TMEM217B: variants seen among roughly 807,000 people sequenced by gnomAD.
The protein encoded by TMEM217B is transmembrane protein 217B, also known as putative transmembrane protein 217B.
the TMEM217B span, chr6:37,217,616 G>A: frequency 1.0e-6 from 1 of 984,984 alleles, no homozygotes; most frequent in East Asian, 1.1e-4. Context: ...GAAAGGGTGG[G>A]GAAATTCGAG....
At chr6:37,240,444 A>G in the TMEM217B span, among the ~76,000 whole-genome samples, 1 of 152,136 alleles carries the variant, frequency 6.6e-6, no homozygotes, top group Non-Finnish European at 1.5e-5. Flanking sequence ...TCTATAGTCC[A>G]CTTGAATTTC....
the TMEM217B span, among the ~76,000 whole-genome samples, chr6:37,214,207 C>G: frequency 6.6e-6 from 1 of 152,198 alleles, no homozygotes; most frequent in Non-Finnish European, 1.5e-5. Flanking sequence ...ATATCGCTAT[C>G]CATCTCCAGA....
chr6:37,215,610 A>G, the TMEM217B span, among the ~76,000 whole-genome samples: 2 of 151,168 alleles, frequency 1.3e-5, no homozygotes, highest in Non-Finnish European at 2.9e-5. Flanking sequence ...AAGAAAAGAA[A>G]AAAGAAAACT....
At chr6:37,231,210 C>A in the TMEM217B span, among the ~76,000 whole-genome samples, 1 of 149,570 alleles carries the variant, frequency 6.7e-6, no homozygotes, top group South Asian at 2.1e-4. Context: ...CAGGTGCAAG[C>A]CACCATGCCT....
the TMEM217B span, among the ~76,000 whole-genome samples, chr6:37,228,184 C>T: frequency 6.6e-6 from 1 of 151,868 alleles, no homozygotes; most frequent in African/African-American, 2.4e-5. Context: ...TCACTTGAGC[C>T]CAGGAATTTG....
At chr6:37,249,005 G>A in the TMEM217B span, among the ~76,000 whole-genome samples, 1 of 152,134 alleles carries the variant, frequency 6.6e-6, no homozygotes, top group Non-Finnish European at 1.5e-5. Context: ...ACTCCAATCT[G>A]CCTCTGTGGT....
At chr6:37,222,649 C>T in the TMEM217B span, among the ~76,000 whole-genome samples, 1 of 152,234 alleles carries the variant, frequency 6.6e-6, no homozygotes, top group Non-Finnish European at 1.5e-5. Flanking sequence ...TATTCCCGGC[C>T]CTCCTCCAAG....
At chr6:37,225,116 C>T in the TMEM217B span, among the ~76,000 whole-genome samples, 2 of 151,874 alleles carry the variant, frequency 1.3e-5, no homozygotes, top group South Asian at 2.1e-4. Context: ...ATGAGAATCA[C>T]TTGAGCCTGG....
At chr6:37,233,724 G>C in the TMEM217B span, among the ~76,000 whole-genome samples, 2 of 152,178 alleles carry the variant, frequency 1.3e-5, no homozygotes, top group South Asian at 2.1e-4. Context: ...CGTCTCCTTT[G>C]GACAATTAAC....
chr6:37,218,747 A>G, the TMEM217B span: 8 of 1,614,108 alleles, frequency 5.0e-6, no homozygotes, highest in Admixed American at 1.3e-4. Flanking sequence ...AATGTAGATG[A>G]CCAGGCCCCT....
chr6:37,252,637 A>ATTTTT, the TMEM217B span, among the ~76,000 whole-genome samples: 31 of 71,354 alleles, frequency 4.3e-4, 1 homozygote, highest in African/African-American at 1.4e-3. Flanking sequence ...ATATATATAT[A>ATTTTT]TTTTTTTTTT....
the TMEM217B span, among the ~76,000 whole-genome samples, chr6:37,253,253 A>G: frequency 1.3e-5 from 2 of 152,288 alleles, no homozygotes; most frequent in Admixed American, 1.3e-4. Flanking sequence ...TCATGTTTAA[A>G]TCTTCATATT....
chr6:37,238,113 C>A, the TMEM217B span, among the ~76,000 whole-genome samples: 6 of 151,024 alleles, frequency 4.0e-5, no homozygotes, highest in South Asian at 6.3e-4. Context: ...ATGTCATGAA[C>A]CAGGGATTAT....
the TMEM217B span, among the ~76,000 whole-genome samples, chr6:37,254,722 A>G: frequency 6.6e-6 from 1 of 152,306 alleles, no homozygotes. Flanking sequence ...TGTTCCAAAC[A>G]CTATTCTAGG....
At chr6:37,217,254 A>G in the TMEM217B span, among the ~76,000 whole-genome samples, 545 of 152,366 alleles carry the variant, frequency 3.6e-3, 3 homozygotes, top group African/African-American at 0.01. Context: ...AGGTCGCACC[A>G]TTGCACTCTG....
chr6:37,235,568 A>G, the TMEM217B span, among the ~76,000 whole-genome samples: 115 of 152,090 alleles, frequency 7.6e-4, 1 homozygote, highest in African/African-American at 2.5e-3. Context: ...GGGTTTCACC[A>G]TGTTAGCCAG....
the TMEM217B span, among the ~76,000 whole-genome samples, chr6:37,220,439 C>T: frequency 6.6e-6 from 1 of 152,140 alleles, no homozygotes. Context: ...AGAAGTAAAC[C>T]TCCCCTACAT....
chr6:37,235,486 C>T, the TMEM217B span, among the ~76,000 whole-genome samples: 5 of 152,264 alleles, frequency 3.3e-5, no homozygotes, highest in African/African-American at 1.2e-4. Flanking sequence ...CTGCCTCAGC[C>T]TCCTGAGTAG....
chr6:37,237,860 A>G, the TMEM217B span, among the ~76,000 whole-genome samples: 3 of 152,190 alleles, frequency 2.0e-5, no homozygotes, highest in Non-Finnish European at 4.4e-5. Context: ...TATAGATGCA[A>G]GAAAACTCTA....
Sources: allele counts gnomAD v4.1 joint callset (sites outside exome capture counted in the v4.1 genomes callset), GRCh38; gene constraint gnomAD v4.1.1; transcripts MANE v1.5; gene names NCBI Gene and HGNC (gene_info 2026-07-23, HGNC 2026-07-21).